The following SGCD variants were observed in gnomAD, a reference collection of about 807,000 sequenced individuals.
SGCD encodes the protein delta-sarcoglycan.
In SGCD, 18 loss-of-function variants were observed where a neutral mutation model predicts 36.6. That is an observed-to-expected ratio of 0.49 (90% CI 0.34 to 0.73). The LOEUF (loss-of-function observed/expected upper bound fraction) is 0.73. SGCD is among the 30% of genes least tolerant of loss of function. The pLI is 0.01. For missense variants in SGCD, 387 were observed against 346.7 expected, an observed-to-expected ratio of 1.12 and a Z score of -0.92; for synonymous variants, 133 against 130.6, an observed-to-expected ratio of 1.02 and a Z score of -0.12.
At chr5:156,046,073 A>T (rs540427898) in intron 1 of SGCD, among the ~76,000 whole-genome samples, 15 of 152,260 alleles carry the variant, frequency 9.9e-5, no homozygotes, top group African/African-American at 3.1e-4. Context: ...TTATTATAAT[A>T]CATAGCTCAG....
At chr5:156,234,164 G>A (rs773364123) in intron 3 of SGCD, among the ~76,000 whole-genome samples, 1 of 151,994 alleles carries the variant, frequency 6.6e-6, no homozygotes, top group Non-Finnish European at 1.5e-5. Context: ...ATGATTATTT[G>A]CTATCTGTAT....
Position 156,057,149 on chromosome 5 carries a change from T to G in SGCD, c.-281-60729T>G, listed in dbSNP as rs140632942. 4.8e-3 allele frequency among the ~76,000 whole-genome samples: 711 copies of G among 146,732 alleles called. 94 individuals are homozygous for G. Among genetic ancestry groups the G allele is most frequent in the Non-Finnish European group, 8.4e-3 (547 of 65,062 alleles). On this transcript the variant is annotated intron_variant, in intron 1 of 9. Coordinates refer to the SGCD transcript ENST00000517913. ...GAGTAGTTAATGACATAGGAAAATA[T>G]TCACTATGTAAAATTATGTAGAAAT...
At position 156,012,319 on chromosome 5, in the gene SGCD, T is replaced by C. The variant is rs368252500; in HGVS notation, c.-281-105559T>C. Among the ~76,000 whole-genome samples, 178 of 152,332 alleles carry C rather than the reference T, an allele frequency of 1.2e-3. 5 individuals are homozygous for C. The South Asian group carries it at 0.019, about 16-fold the overall frequency. On this transcript the variant is annotated intron_variant, in intron 1 of 9. Transcript: ENST00000517913. ...CCTATCTTACATGCTTACGTATTATTACAGAGTAGCAATCAATACCACACA... is the reference window on the plus strand; with the variant it reads ...CCTATCTTACATGCTTACGTATTATCACAGAGTAGCAATCAATACCACACA...
At chr5:155,952,925 C>G (rs1757574439) in intron 1 of SGCD, among the ~76,000 whole-genome samples, 1 of 152,182 alleles carries the variant, frequency 6.6e-6, no homozygotes, top group East Asian at 1.9e-4. Context: ...ATATGACCAG[C>G]TTTTGAACTG....
Position 156,341,367 on chromosome 5 carries a change from T to C in SGCD, c.4-3122T>C, listed in dbSNP as rs561411761. Among the ~76,000 whole-genome samples, 6 of 152,282 alleles carry C rather than the reference T, an allele frequency of 3.9e-5. No homozygotes were observed. In the South Asian group the frequency reaches 1.2e-3, roughly 32 times the overall value. On this transcript the variant is annotated intron_variant, in intron 2 of 8. Coordinates refer to ENST00000337851, the MANE Select transcript of SGCD (RefSeq NM_000337.6). ...TTTTTGCTATTTTACACACTAGAGT[T>C]TCTTGCAAGACTTTGTCTTACAATG...
At chr5:156,568,486 C>T (rs933262894) in intron 4 of SGCD, among the ~76,000 whole-genome samples, 1 of 152,206 alleles carries the variant, frequency 6.6e-6, no homozygotes, top group African/African-American at 2.4e-5. Context: ...AACCGACGGC[C>T]ATAAAGTCTG....
chr5:156,065,383 G>C (rs1468232438), intron 1 of SGCD, among the ~76,000 whole-genome samples: 1 of 123,922 alleles, frequency 8.1e-6, no homozygotes, highest in Non-Finnish European at 1.7e-5. Context: ...GAATAGGTGT[G>C]GTGTGGTGCT....
In SGCD at chr5:156,622,679, A is replaced by G. The variant is rs57340412; in HGVS notation, c.503-24785A>G. On this transcript the variant is annotated intron_variant, in intron 6 of 8. Transcript: ENST00000337851. The stretch of plus-strand genomic sequence containing the variant: ...AGGTTTGATGAAGAGTAGGACAATC[A>G]TGTAGAAGTATGACTGGACAAAGGG... 2.5e-3 allele frequency among the ~76,000 whole-genome samples: 380 copies of G among 152,254 alleles called. 1 individual carries two copies. Among genetic ancestry groups the G allele is most frequent in the African/African-American group, 8.7e-3 (362 of 41,542 alleles).
intron 3 of SGCD, among the ~76,000 whole-genome samples, chr5:156,172,272 A>C (rs1286262866): frequency 6.6e-6 from 1 of 152,158 alleles, no homozygotes; most frequent in African/African-American, 2.4e-5. Context: ...GAAAAGAGCA[A>C]AACTCCATCT....
At chr5:156,586,876 T>C (rs1323367391) in intron 4 of SGCD, among the ~76,000 whole-genome samples, 1 of 152,230 alleles carries the variant, frequency 6.6e-6, no homozygotes, top group Non-Finnish European at 1.5e-5. Context: ...TGTTTGTTTA[T>C]AGTTTTAAAG....
At chr5:156,387,733 C>T (rs1306202588) in intron 3 of SGCD, among the ~76,000 whole-genome samples, 1 of 151,932 alleles carries the variant, frequency 6.6e-6, no homozygotes, top group African/African-American at 2.4e-5. Flanking sequence ...AAAAGAGGGC[C>T]CAAAAACAAC....
At chr5:156,460,928 C>T (rs1023735654) in intron 3 of SGCD, among the ~76,000 whole-genome samples, 7 of 152,056 alleles carry the variant, frequency 4.6e-5, no homozygotes, top group Admixed American at 1.3e-4. Flanking sequence ...CACAACATTT[C>T]CCAAAATGAT....
intron 3 of SGCD, among the ~76,000 whole-genome samples, chr5:156,291,036 A>C (rs1766744882): frequency 6.6e-6 from 1 of 152,158 alleles, no homozygotes; most frequent in African/African-American, 2.4e-5. Context: ...GGCCCTTGAC[A>C]TCCACACGTT....
At chr5:156,676,779 T>C (rs528816638) in intron 7 of SGCD, among the ~76,000 whole-genome samples, 2 of 152,354 alleles carry the variant, frequency 1.3e-5, no homozygotes, top group African/African-American at 4.8e-5. Context: ...GAACTCTAGC[T>C]GAACTTGCCA....
At chr5:156,349,582 A>G (rs1484051179) in intron 3 of SGCD, among the ~76,000 whole-genome samples, 2 of 152,128 alleles carry the variant, frequency 1.3e-5, no homozygotes, top group African/African-American at 4.8e-5. Flanking sequence ...ATTAATAAAA[A>G]TTAAAAAAAA....
intron 1 of SGCD, among the ~76,000 whole-genome samples, chr5:155,979,082 T>C (rs1758177019): frequency 1.3e-5 from 2 of 152,162 alleles, no homozygotes; most frequent in Non-Finnish European, 2.9e-5. Context: ...TGCTGCCACA[T>C]TATTTTTGAA....
At chr5:156,309,685 A>T (rs192665558) in intron 3 of SGCD, among the ~76,000 whole-genome samples, 142 of 145,684 alleles carry the variant, frequency 9.7e-4, no homozygotes, top group African/African-American at 3.5e-3. Context: ...ACGGGGTTTC[A>T]CTATGTTGGT....
At chr5:156,069,301 T>G (rs1264944743) in intron 1 of SGCD, among the ~76,000 whole-genome samples, 5 of 152,136 alleles carry the variant, frequency 3.3e-5, no homozygotes, top group African/African-American at 1.2e-4. Flanking sequence ...AATTTTTGTA[T>G]AAGGTGTAGG....
chr5:156,603,578 G>C (rs1055714891), intron 6 of SGCD, among the ~76,000 whole-genome samples: 28 of 151,888 alleles, frequency 1.8e-4, no homozygotes, highest in African/African-American at 6.8e-4. Context: ...TCTTATGACT[G>C]CTTTTGCAAT....
Sources: allele counts gnomAD v4.1 joint callset (sites outside exome capture counted in the v4.1 genomes callset), GRCh38; gene constraint gnomAD v4.1.1; transcripts MANE v1.5; gene names NCBI Gene and HGNC (gene_info 2026-07-23, HGNC 2026-07-21).